The following PKD2L2 variants were observed in gnomAD, a reference collection of about 807,000 sequenced individuals.
The protein encoded by PKD2L2 is polycystin 2 like 2, transient receptor potential cation channel.
Under a neutral mutation model 83.9 loss-of-function variants are expected in PKD2L2, and 67 were observed. The observed-to-expected ratio is 0.80, with a 90% CI of 0.66 to 0.98. The LOEUF is 0.98. PKD2L2 is among the 50% of genes least tolerant of loss of function. PKD2L2 has a pLI of 0.00. For synonymous variants in PKD2L2, 223 were observed against 237.8 expected, an observed-to-expected ratio of 0.94 and a Z score of 0.57; for missense variants, 632 against 717.2, an observed-to-expected ratio of 0.88 and a Z score of 1.36.
In PKD2L2 at chr5:137,908,701, AATTT is replaced by A. The variant is rs1223300158; in HGVS notation, c.1147-60_1147-57del. The A allele has an allele frequency of 5.2e-6, 4 of 764,008 alleles. No individual in the cohort carries two copies. The East Asian group carries it at 1.2e-4, about 22-fold the overall frequency. 47.3% of individuals were successfully genotyped at this position (764,008 alleles called of 1,614,324 possible). ...TTCGAAGCAGAATTCTTCTGAAATT[AATTT>A]ATTCTAAGTAATTTCATCTTTGATA... On this transcript the variant is annotated intron_variant, in intron 7 of 14. Coordinates refer to ENST00000508883, the MANE Select transcript of PKD2L2 (RefSeq NM_001300921.2).
chr5:137,935,997 A>C, intron 13 of PKD2L2, 88 bp downstream of exon 13: 1 of 782,988 alleles, frequency 1.3e-6, no homozygotes, highest in South Asian at 1.7e-5. Context: ...TCCTGAACCC[A>C]AAACTTTACT....
intron 12 of PKD2L2, 71 bp from the exon 13 acceptor site, chr5:137,935,726 A>T: frequency 1.2e-6 from 1 of 808,068 alleles, no homozygotes; most frequent in Non-Finnish European, 2.1e-6. Flanking sequence ...CAATCCTGTG[A>T]TGCTTGTGTG....
chr5:137,893,726 G>A (rs1158081868), intron 3 of PKD2L2, among the ~76,000 whole-genome samples: 1 of 152,114 alleles, frequency 6.6e-6, no homozygotes, highest in Non-Finnish European at 1.5e-5. Context: ...AAGGAGACAC[G>A]GTCATTTCCT....
chr5:137,923,478 T>C lies in PKD2L2; in HGVS notation c.1508T>C (p.Ile503Thr), dbSNP rs1285591598. The stretch of plus-strand genomic sequence containing the variant: ...TCTGAAGTGAAAGCTGACTATTCAA[T>C]AGGCAGAAGGCTAGATTTTGAACTT... ...TYSEVKADYS[I>T]GRRLDFELGK... Residue 503 changes from isoleucine to threonine, a missense_variant, in exon 10 of 15, where the codon ATA becomes ACA. Around this residue, in one of 3 missense-constraint regions of PKD2L2, gnomAD observed 399 missense variants for 416.9 expected, o/e 0.96. Transcript: ENST00000508883. The C allele has an allele frequency of 6.4e-7, 1 of 1,574,392 alleles. No homozygotes were observed. Among genetic ancestry groups the C allele is most frequent in the Admixed American group, 1.7e-5 (1 of 59,926 alleles).
intron 10 of PKD2L2, 39 bp downstream of exon 10, chr5:137,923,560 A>C (rs1228587496): frequency 2.1e-6 from 2 of 967,472 alleles, no homozygotes; most frequent in Admixed American, 1.7e-5. Flanking sequence ...TTCTAAGACA[A>C]ACCTCATATA....
At chr5:137,914,420 A>C (rs1071022) in intron 8 of PKD2L2, among the ~76,000 whole-genome samples, 2 of 152,138 alleles carry the variant, frequency 1.3e-5, no homozygotes, top group African/African-American at 4.8e-5. Context: ...ATCCCAAATC[A>C]AAACACTTCT....
intron 8 of PKD2L2, among the ~76,000 whole-genome samples, chr5:137,909,606 G>T (rs56215870): frequency 7.1e-6 from 1 of 141,590 alleles, no homozygotes; most frequent in Non-Finnish European, 1.5e-5. Flanking sequence ...CTACACTGGC[G>T]TTATCACAGC....
chr5:137,905,195 T>C lies in PKD2L2; in HGVS notation c.747-1011T>C, dbSNP rs144259235. On this transcript the variant is annotated intron_variant, in intron 5 of 14. Transcript: ENST00000508883. Reference sequence around the variant, plus strand: ...ATGCTTATTCTGTTACCTTTTAAAATGTTATTTTTTAGAAACTTCAGCAGA... The same window carrying C: ...ATGCTTATTCTGTTACCTTTTAAAACGTTATTTTTTAGAAACTTCAGCAGA... Among the ~76,000 whole-genome samples the C allele has an allele frequency of 1.8e-3, 271 of 152,336 alleles. 1 individual carries two copies. Among genetic ancestry groups the C allele is most frequent in the African/African-American group, 6.1e-3 (252 of 41,584 alleles).
chr5:137,900,340 G>T (rs1414813517), intron 5 of PKD2L2, among the ~76,000 whole-genome samples: 1 of 152,122 alleles, frequency 6.6e-6, no homozygotes, highest in Non-Finnish European at 1.5e-5. Flanking sequence ...TATAGTTCTC[G>T]TGTGTTTTTT....
intron 8 of PKD2L2, among the ~76,000 whole-genome samples, chr5:137,917,780 G>A (rs986413512): frequency 3.3e-5 from 5 of 151,942 alleles, no homozygotes; most frequent in African/African-American, 7.3e-5. Flanking sequence ...ACTAGCATGC[G>A]TTTTTCTTGT....
intron 9 of PKD2L2, among the ~76,000 whole-genome samples, chr5:137,922,473 C>T (rs1758999289): frequency 6.6e-6 from 1 of 152,194 alleles, no homozygotes; most frequent in South Asian, 2.1e-4. Context: ...CGCAGTGGCT[C>T]ACACCTACAA....
chr5:137,899,685 T>C lies in PKD2L2; in HGVS notation c.694T>C (p.Phe232Leu). 6.2e-7 allele frequency: 1 copy of C among 1,612,702 alleles called. No individual in the cohort carries two copies. Among genetic ancestry groups the C allele is most frequent in the Non-Finnish European group, 8.5e-7 (1 of 1,178,802 alleles). Residue 232 changes from phenylalanine to leucine, a missense_variant, in exon 5 of 15, where the codon TTT (phenylalanine) becomes CTT (leucine). Phe to Leu is a conservative substitution (Grantham distance 22). Transcript: ENST00000508883. ...GATCACAAGAGGGACTAGAGTTATTTTTATTGATTTTTCCTTATATAATGC... is the reference window on the plus strand; with the variant it reads ...GATCACAAGAGGGACTAGAGTTATTCTTATTGATTTTTCCTTATATAATGC... The part of the protein sequence containing the change: ...SWITRGTRVI[F>L]IDFSLYNANV...
At chr5:137,907,677 T>C in intron 6 of PKD2L2, 65 bp from the exon 7 acceptor site, 3 of 948,714 alleles carry the variant, frequency 3.2e-6, no homozygotes, top group Non-Finnish European at 4.4e-6. Flanking sequence ...TGTTTCCTCA[T>C]AGGCTGTAAG....
chr5:137,938,652 C>T (rs1048805694), intron 14 of PKD2L2: 1 of 152,550 alleles, frequency 6.6e-6, no homozygotes, highest in East Asian at 1.9e-4. Flanking sequence ...CCTCACCCCC[C>T]ACCCCCCAGA....
Position 137,923,523 on chromosome 5 carries a change from T to C in PKD2L2, c.1551+2T>C, listed in dbSNP as rs1162961147. ...GAACTTGGCAAAATGATTAAACAGG[T>C]AAGTCAAATTTCTTTCCTAATTAGA... On this transcript the variant is annotated splice_donor_variant, in intron 10 of 14. Coordinates refer to ENST00000508883, the MANE Select transcript of PKD2L2 (RefSeq NM_001300921.2). LOFTEE classifies it high-confidence loss of function. 1 of 1,269,780 alleles carries C rather than the reference T, an allele frequency of 7.9e-7. No individual in the cohort carries two copies. Among genetic ancestry groups the C allele is most frequent in the Admixed American group, 1.7e-5 (1 of 59,224 alleles). The allele number at this position is 1,269,780 out of a possible 1,614,324, so 78.7% of individuals were successfully genotyped here. A position where few individuals can be genotyped will look rare whatever the true frequency, so the allele number is the denominator to read the frequency against.
chr5:137,897,677 G>T (rs1756599163), intron 4 of PKD2L2, among the ~76,000 whole-genome samples: 1 of 152,132 alleles, frequency 6.6e-6, no homozygotes, highest in African/African-American at 2.4e-5. Context: ...GGAGAGATCT[G>T]GTGTAACAGA....
intron 4 of PKD2L2, among the ~76,000 whole-genome samples, chr5:137,898,839 C>G (rs752829108): frequency 2.6e-5 from 4 of 151,972 alleles, no homozygotes; most frequent in South Asian, 2.1e-4. Context: ...TCAAGCAGTT[C>G]TGCTTCAGAC....
intron 6 of PKD2L2, 125 bp downstream of exon 6, chr5:137,906,559 T>C (rs1757382509): frequency 3.5e-6 from 2 of 574,204 alleles, no homozygotes; most frequent in Non-Finnish European, 6.1e-6. Flanking sequence ...GTATCAAACA[T>C]AAAATGTACT....
chr5:137,906,321 A>G lies in PKD2L2; in HGVS notation c.862A>G (p.Thr288Ala), dbSNP rs1328879079. 6.2e-7 allele frequency: 1 copy of G among 1,606,630 alleles called. No homozygotes were observed. The highest frequency in any genetic ancestry group is 1.1e-5 in the South Asian group (1 of 90,886). Residue 288 changes from threonine (T) to alanine (A), a missense_variant, in exon 6 of 15, where the codon ACA (threonine) becomes GCA (alanine). Thr to Ala is a moderately conservative substitution (Grantham distance 58, BLOSUM62 0). This residue lies in a region of PKD2L2 where 399 missense variants were observed against 416.9 expected (regional missense o/e 0.96). Transcript: ENST00000508883. ...CTATTTTATTGCTTCCTGTGAAATC[A>G]CATTCTGTATTTTTCTTTTTGTCTT... The part of the protein sequence containing the change: ...YDYFIASCEI[T>A]FCIFLFVFTT...
Sources: allele counts gnomAD v4.1 joint callset (sites outside exome capture counted in the v4.1 genomes callset), GRCh38; gene constraint gnomAD v4.1.1; regional missense constraint gnomAD v4.1.1; transcripts MANE v1.5; gene names NCBI Gene and HGNC (gene_info 2026-07-23, HGNC 2026-07-21).